Variants in COL24A1 observed in about 807,000 individuals in gnomAD.
COL24A1 encodes the protein collagen alpha-1(XXIV) chain.
In COL24A1, 224 loss-of-function variants were observed where a neutral mutation model predicts 253.9. The ratio of observed to expected loss-of-function variants is 0.88; its 90% CI spans 0.79 to 0.99. The LOEUF (loss-of-function observed/expected upper bound fraction) is 0.99. COL24A1 is among the 50% of genes least tolerant of loss of function. The pLI is 0.00. For synonymous variants in COL24A1, 685 were observed against 673.7 expected (o/e 1.02, Z -0.26); for missense variants, 2,131 against 2,068.5 (o/e 1.03, Z -0.59).
At chr1:86,146,639 T>C (rs1651921306) in intron 1 of COL24A1, among the ~76,000 whole-genome samples, 1 of 151,970 alleles carries the variant, frequency 6.6e-6, no homozygotes, top group African/African-American at 2.4e-5. Context: ...ATAGTGATTA[T>C]AAGTTAATGG....
At chr1:85,934,870 A>G (rs1688117939) in intron 24 of COL24A1, among the ~76,000 whole-genome samples, 1 of 152,148 alleles carries the variant, frequency 6.6e-6, no homozygotes, top group Non-Finnish European at 1.5e-5. Flanking sequence ...TCACTGAGCC[A>G]TAGCCAGAAT....
chr1:85,900,251 T>C (rs1275048926), intron 28 of COL24A1, among the ~76,000 whole-genome samples: 2 of 152,128 alleles, frequency 1.3e-5, no homozygotes, highest in Non-Finnish European at 2.9e-5. Flanking sequence ...AAAAAAATCC[T>C]AAGATTCATA....
intron 10 of COL24A1, among the ~76,000 whole-genome samples, chr1:86,057,255 C>T (rs1352156155): frequency 6.6e-6 from 1 of 152,188 alleles, no homozygotes; most frequent in Non-Finnish European, 1.5e-5. Flanking sequence ...TCTCCCTTCA[C>T]CTTCCGCTGT....
chr1:86,147,659 G>C (rs1652086674), intron 1 of COL24A1, among the ~76,000 whole-genome samples: 1 of 152,214 alleles, frequency 6.6e-6, no homozygotes, highest in African/African-American at 2.4e-5. Flanking sequence ...AAAAATTTGC[G>C]ATGGATATGC....
intron 58 of COL24A1, chr1:85,736,367 C>T (rs756945296): frequency 3.1e-5 from 14 of 456,178 alleles, no homozygotes; most frequent in Admixed American, 7.0e-5. Context: ...CTCCTATTTC[C>T]TCTGCACAGT....
chr1:85,786,363 T>C lies in COL24A1; in HGVS notation c.4050A>G (p.Gln1350=), dbSNP rs768143900. The change falls in exon 48 of 60, where the codon CAA becomes CAG. Residue 1350 remains glutamine, a synonymous_variant. Coordinates refer to ENST00000370571, the MANE Select transcript of COL24A1 (RefSeq NM_152890.7). ...SSGLPGSPGI[Q]GPKGEQGLPG... The stretch of plus-strand genomic sequence containing the variant: ...CAAAATATTAAAGTACCTTTGGGCC[T>C]TGAATTCCTGGGCTTCCTGGCAAGC... 9 of 1,613,396 alleles carry C rather than the reference T, an allele frequency of 5.6e-6. No individual in the cohort carries two copies. Among genetic ancestry groups the C allele is most frequent in the African/African-American group, 1.3e-5 (1 of 74,910 alleles).
chr1:86,040,424 C>T (rs546729783), intron 12 of COL24A1, among the ~76,000 whole-genome samples: 74 of 150,712 alleles, frequency 4.9e-4, no homozygotes, highest in African/African-American at 1.7e-3. Context: ...ACTAACTCGT[C>T]ATCTAGCATT....
chr1:85,731,117 A>C (rs1663427371), intron 59 of COL24A1, among the ~76,000 whole-genome samples: 1 of 152,354 alleles, frequency 6.6e-6, no homozygotes, highest in Non-Finnish European at 1.5e-5. Context: ...GTAGAAAATA[A>C]ACAGAATCAC....
intron 39 of COL24A1, among the ~76,000 whole-genome samples, chr1:85,843,127 G>A (rs778673440): frequency 6.6e-6 from 1 of 152,082 alleles, no homozygotes; most frequent in African/African-American, 2.4e-5. Flanking sequence ...GGAAAATTAA[G>A]GCACAGAATA....
At chr1:86,011,487 T>A (rs549768199) in intron 19 of COL24A1, among the ~76,000 whole-genome samples, 1 of 152,350 alleles carries the variant, frequency 6.6e-6, no homozygotes, top group African/African-American at 2.4e-5. Flanking sequence ...CTTCTCCTAC[T>A]CTTATCTCAG....
chr1:86,085,119 T>C (rs1352793868), intron 7 of COL24A1, among the ~76,000 whole-genome samples: 2 of 152,206 alleles, frequency 1.3e-5, no homozygotes, highest in Non-Finnish European at 2.9e-5. Flanking sequence ...ATATTCAGTA[T>C]TAATATAGCT....
chr1:86,101,401 C>T (rs150777209), intron 5 of COL24A1, among the ~76,000 whole-genome samples: 2,987 of 152,170 alleles, frequency 0.02, 41 homozygotes, highest in Non-Finnish European at 0.034. Flanking sequence ...TATTTTGCTC[C>T]GGCCAGGACT....
chr1:85,767,026 C>T (rs1667451795), intron 53 of COL24A1, among the ~76,000 whole-genome samples: 1 of 151,924 alleles, frequency 6.6e-6, no homozygotes, highest in South Asian at 2.1e-4. Context: ...ATCGCTTGAA[C>T]CTGGGAGGTG....
At chr1:85,880,396 T>C (rs896303210) in intron 32 of COL24A1, among the ~76,000 whole-genome samples, 5 of 152,206 alleles carry the variant, frequency 3.3e-5, no homozygotes, top group African/African-American at 1.2e-4. Flanking sequence ...TATAACTGCT[T>C]ATTAGTTTCG....
At chr1:85,756,514 C>G (rs934607435) in intron 55 of COL24A1, among the ~76,000 whole-genome samples, 1 of 152,060 alleles carries the variant, frequency 6.6e-6, no homozygotes, top group African/African-American at 2.4e-5. Context: ...AATGAGATAC[C>G]GCTTCATAAC....
chr1:85,997,913 G>T (rs1322203520), intron 19 of COL24A1, among the ~76,000 whole-genome samples: 1 of 152,118 alleles, frequency 6.6e-6, no homozygotes, highest in East Asian at 1.9e-4. Flanking sequence ...AGTTGCCAAT[G>T]ACCACTTTTT....
chr1:86,090,077 C>T (rs1369197803), intron 6 of COL24A1, among the ~76,000 whole-genome samples: 4 of 152,130 alleles, frequency 2.6e-5, no homozygotes, highest in African/African-American at 9.7e-5. Context: ...TCCCTCACCC[C>T]GGAGTAACGA....
At chr1:85,987,752 A>C in intron 19 of COL24A1, 98 bp from the exon 20 acceptor site, 1 of 977,016 alleles carries the variant, frequency 1.0e-6, no homozygotes, top group Non-Finnish European at 1.5e-6. Context: ...TATCCAGTTA[A>C]AGCAATTTAT....
At chr1:85,896,506 T>C (rs1683744189) in intron 28 of COL24A1, 97 bp from the exon 29 acceptor site, 1 of 1,117,688 alleles carries the variant, frequency 8.9e-7, no homozygotes, top group Non-Finnish European at 1.3e-6. Flanking sequence ...TGATGATTTT[T>C]TTTTTTTGAG....
Sources: allele counts gnomAD v4.1 joint callset (sites outside exome capture counted in the v4.1 genomes callset), GRCh38; gene constraint gnomAD v4.1.1; transcripts MANE v1.5; gene names NCBI Gene and HGNC (gene_info 2026-07-23, HGNC 2026-07-21).